The following KNTC1 variants were observed in gnomAD, a reference collection of about 807,000 sequenced individuals.
KNTC1 encodes the protein kinetochore associated 1.
Under a neutral mutation model 314.4 loss-of-function variants are expected in KNTC1, and 253 were observed. The observed-to-expected ratio is 0.80, with a 90% CI of 0.73 to 0.89. The LOEUF is 0.89. KNTC1 is among the 40% of genes least tolerant of loss of function. The pLI, the probability that KNTC1 is intolerant of heterozygous loss-of-function variation, is 0.00. For synonymous variants in KNTC1, 901 were observed against 901.4 expected (o/e 1.00, Z 0.01); for missense variants, 2,475 against 2,572.9 (o/e 0.96, Z 0.82).
intron 12 of KNTC1, among the ~76,000 whole-genome samples, chr12:122,549,347 T>G (rs1963026510): frequency 6.6e-6 from 1 of 151,300 alleles, no homozygotes; most frequent in Non-Finnish European, 1.5e-5. Flanking sequence ...TGGTTTTTTG[T>G]TTTTTATTTA....
At position 122,586,699 on chromosome 12, in the gene KNTC1, A is replaced by C; in HGVS notation, c.3674-2A>C. Reference sequence around the variant, plus strand: ...TGTTTAATGTTTTATTATCTTTTGTAGAAAGCAAGAGATATCCCTTGGAGT... The same window carrying C: ...TGTTTAATGTTTTATTATCTTTTGTCGAAAGCAAGAGATATCCCTTGGAGT... On this transcript the variant is annotated splice_acceptor_variant, in intron 37 of 63. Coordinates refer to ENST00000333479, the MANE Select transcript of KNTC1 (RefSeq NM_014708.6). LOFTEE classifies it high-confidence loss of function. The C allele has an allele frequency of 6.9e-7, 1 of 1,448,508 alleles. No individual in the cohort carries two copies. Among genetic ancestry groups the C allele is most frequent in the Non-Finnish European group, 9.2e-7 (1 of 1,082,222 alleles). The allele number at this position is 1,448,508 out of a possible 1,614,324, so 89.7% of individuals were successfully genotyped here.
At chr12:122,573,913 C>T (rs1964860009) in intron 26 of KNTC1, among the ~76,000 whole-genome samples, 1 of 151,948 alleles carries the variant, frequency 6.6e-6, no homozygotes, top group South Asian at 2.1e-4. Context: ...TCTTGGGGGC[C>T]CAAGATATTT....
chr12:122,569,877 T>G, intron 22 of KNTC1, 53 bp downstream of exon 22: 2 of 1,526,322 alleles, frequency 1.3e-6, no homozygotes, highest in Non-Finnish European at 1.8e-6. Context: ...ATTTTTTACA[T>G]TAGATCATTG....
At chr12:122,542,512 TC>T (rs1962421652) in intron 6 of KNTC1, among the ~76,000 whole-genome samples, 1 of 152,210 alleles carries the variant, frequency 6.6e-6, no homozygotes, top group Non-Finnish European at 1.5e-5. Flanking sequence ...ATGCCTGTAA[TC>T]CTGGCACTTT....
intron 2 of KNTC1, among the ~76,000 whole-genome samples, chr12:122,531,429 C>T (rs1565924013): frequency 1.3e-5 from 2 of 151,902 alleles, no homozygotes; most frequent in Non-Finnish European, 2.9e-5. Flanking sequence ...AACTCCTGGC[C>T]TCAAGTGATC....
rs1424695610 is a variant in KNTC1 at position 122,575,813 on chromosome 12, CA to C, written c.2501del (p.Gln834ArgfsTer6). On this transcript the variant is annotated frameshift_variant, in exon 29 of 64. Coordinates refer to ENST00000333479, the MANE Select transcript of KNTC1 (RefSeq NM_014708.6). LOFTEE classifies it high-confidence loss of function. ...EMDHPKVKLL[Q>X]ESYKLMEMKK... The stretch of plus-strand genomic sequence containing the variant: ...ATTTGCTTTCAGAGTCAAGTTATTA[CA>C]GGAAAGTTACAAACTAATGGAGATG... The C allele has an allele frequency of 2.5e-6, 4 of 1,612,538 alleles. No individual in the cohort carries two copies. In the Admixed American group the frequency reaches 6.7e-5, roughly 27 times the overall value.
At chr12:122,580,483 AGAAGAACTACT>A (rs1965333773) in intron 32 of KNTC1, 109 bp from the exon 33 acceptor site, 1 of 620,442 alleles carries the variant, frequency 1.6e-6, no homozygotes, top group Non-Finnish European at 2.9e-6. Context: ...TTATCATTTG[AGAAGAACTACT>A]GAAGACTTGA....
chr12:122,541,008 C>T (rs1364328858), intron 5 of KNTC1, among the ~76,000 whole-genome samples: 3 of 151,902 alleles, frequency 2.0e-5, no homozygotes, highest in South Asian at 2.1e-4. Context: ...GCCACCTCTA[C>T]AAAAAATAAA....
chr12:122,557,784 T>C, intron 18 of KNTC1, 95 bp downstream of exon 18: 1 of 817,600 alleles, frequency 1.2e-6, no homozygotes, highest in Non-Finnish European at 2.0e-6. Context: ...TTTCCTCCTA[T>C]CCGCTATGTG....
Position 122,619,702 on chromosome 12 carries a change from G to A in KNTC1, c.6150-777G>A, listed in dbSNP as rs1004650619. On this transcript the variant is annotated intron_variant, in intron 59 of 63. Transcript: ENST00000333479. Reference sequence around the variant, plus strand: ...GCTGGGATTACAGGCTTCAGCCACCGCGCCCGGCCAACACTTGTTTTTATA... The same window carrying A: ...GCTGGGATTACAGGCTTCAGCCACCACGCCCGGCCAACACTTGTTTTTATA... Among the ~76,000 whole-genome samples, 8 of 152,096 alleles carry A rather than the reference G, an allele frequency of 5.3e-5. 1 individual carries two copies. The highest frequency in any genetic ancestry group is 2.0e-4 in the Admixed American group (3 of 15,276).
intron 59 of KNTC1, 79 bp from the exon 60 acceptor site, chr12:122,620,389 GGACAGGCAGAT>G: frequency 8.3e-7 from 1 of 1,207,572 alleles, no homozygotes; most frequent in Admixed American, 2.5e-5. Flanking sequence ...TTGAAAACTT[GGACAGGCAGAT>G]GACTATGGAA....
chr12:122,538,582 G>T, intron 4 of KNTC1, 128 bp downstream of exon 4: 1 of 578,168 alleles, frequency 1.7e-6, no homozygotes, highest in African/African-American at 1.9e-5. Flanking sequence ...GAACAATTAA[G>T]CTTTGAAGGT....
intron 20 of KNTC1, among the ~76,000 whole-genome samples, chr12:122,564,717 C>T (rs1964190111): frequency 6.6e-6 from 1 of 152,174 alleles, no homozygotes; most frequent in African/African-American, 2.4e-5. Flanking sequence ...AGCGATCTGC[C>T]TGCCTCGGCC....
chr12:122,573,546 C>T (rs1964831406), intron 26 of KNTC1, among the ~76,000 whole-genome samples: 1 of 152,118 alleles, frequency 6.6e-6, no homozygotes, highest in Admixed American at 6.6e-5. Context: ...AGGATACACC[C>T]ATGACACAGC....
chr12:122,561,862 C>T, intron 18 of KNTC1, 59 bp from the exon 19 acceptor site: 1 of 1,387,640 alleles, frequency 7.2e-7, no homozygotes, highest in Non-Finnish European at 9.9e-7. Flanking sequence ...GAAAATCCAT[C>T]ATTTAGGAAA....
chr12:122,584,170 A>C, intron 34 of KNTC1, 108 bp from the exon 35 acceptor site: 1 of 797,168 alleles, frequency 1.3e-6, no homozygotes, highest in Non-Finnish European at 2.1e-6. Flanking sequence ...GAACATTTAA[A>C]AGACATTTAA....
chr12:122,588,682 C>A, intron 39 of KNTC1, 30 bp from the exon 40 acceptor site: 1 of 1,441,698 alleles, frequency 6.9e-7, no homozygotes, highest in Non-Finnish European at 9.3e-7. Context: ...TAGAACTAGA[C>A]CTAAATATTT....
intron 31 of KNTC1, among the ~76,000 whole-genome samples, chr12:122,579,088 G>A (rs1233668925): frequency 2.6e-4 from 24 of 91,712 alleles, no homozygotes; most frequent in African/African-American, 9.4e-4. Context: ...TTTTTGAGAC[G>A]GAGTCTCGCT....
chr12:122,567,235 A>G (rs1964408351), intron 20 of KNTC1, among the ~76,000 whole-genome samples: 6 of 151,394 alleles, frequency 4.0e-5, no homozygotes, highest in Admixed American at 3.9e-4. Flanking sequence ...CACACCGGCT[A>G]TTTTTTGTAT....
Sources: allele counts gnomAD v4.1 joint callset (sites outside exome capture counted in the v4.1 genomes callset), GRCh38; gene constraint gnomAD v4.1.1; transcripts MANE v1.5; gene names NCBI Gene and HGNC (gene_info 2026-07-23, HGNC 2026-07-21).